POF1B: variants seen among roughly 807,000 people sequenced by gnomAD.
POF1B encodes POF1B actin binding protein.
In POF1B, 53 loss-of-function variants were observed where a neutral mutation model predicts 55.3. That is an observed-to-expected ratio of 0.96 (90% CI 0.77 to 1.20). The LOEUF (loss-of-function observed/expected upper bound fraction) is 1.20, where lower values mean the gene tolerates loss of function less well. POF1B is among the 50% of genes most tolerant of loss of function. The probability of loss-of-function intolerance (pLI) is 0.00; values close to 1 mark genes in which losing one functional copy is unlikely to be tolerated. For missense variants in POF1B, 478 were observed against 420.5 expected, an observed-to-expected ratio of 1.14 and a Z score of -1.20; for synonymous variants, 188 against 148.3, an observed-to-expected ratio of 1.27 and a Z score of -1.95.
At chrX:85,352,734 C>G (rs1344950092) in intron 4 of POF1B, among the ~76,000 whole-genome samples, 1 of 111,328 alleles carries the variant, frequency 9.0e-6, no homozygotes, top group Non-Finnish European at 1.9e-5. Context: ...TGCTTAAGTG[C>G]TTGCTATGCA....
chrX:85,286,373 A>T (rs1310801807), intron 15 of POF1B, among the ~76,000 whole-genome samples: 1 of 111,404 alleles, frequency 9.0e-6, no homozygotes, highest in Non-Finnish European at 1.9e-5. Context: ...CCAAAAGAAG[A>T]GAGGAAAAGA....
At chrX:85,319,841 G>T (rs1192317923) in intron 7 of POF1B, among the ~76,000 whole-genome samples, 1 of 111,135 alleles carries the variant, frequency 9.0e-6, no homozygotes, top group Non-Finnish European at 1.9e-5. Context: ...ATTTTTTGTT[G>T]CATCCATGCC....
At position 85,306,289 on chromosome X, in the gene POF1B, T is replaced by C; in HGVS notation, c.1209A>G (p.Glu403=). 8.3e-7 allele frequency: 1 copy of C among 1,209,385 alleles called. No individual in the cohort carries two copies. Among genetic ancestry groups the C allele is most frequent in the Non-Finnish European group, 1.1e-6 (1 of 893,686 alleles). ...DSSSKCQALE[E]NNLSLRHTLS... ...GTGTATGTCGAAGAGAGAGATTGTT[T>C]TCTTCCAATGCCTGGCATTTTGAAC... Residue 403 remains glutamate, a synonymous_variant, in exon 12 of 17, where the codon GAA becomes GAG. Coordinates refer to ENST00000262753, the MANE Select transcript of POF1B (RefSeq NM_024921.4).
chrX:85,314,604 T>C, intron 8 of POF1B, 98 bp from the exon 9 acceptor site: 1 of 491,294 alleles, frequency 2.0e-6, no homozygotes, highest in Non-Finnish European at 3.1e-6. Context: ...TTTAGGAATA[T>C]TAAAAGACTA....
rs764618968 is a variant in POF1B, at chrX:85,303,210, T to A, written c.1649+196A>T. 3.5e-4 allele frequency among the ~76,000 whole-genome samples: 39 copies of A among 111,221 alleles called. No individual in the cohort carries two copies. The South Asian group carries it at 5.6e-3, about 16-fold the overall frequency. ...TCCAAGGTAATTAATATATTGTAAA[T>A]TCAGGAAAGATGTGCTTCAGGATTT... On this transcript the variant is annotated intron_variant, in intron 15 of 16. Transcript: ENST00000262753.
chrX:85,379,555 A>G, intron 1 of POF1B, 60 bp from the exon 2 acceptor site: 2 of 911,310 alleles, frequency 2.2e-6, no homozygotes, highest in Non-Finnish European at 3.0e-6. Context: ...GCAGTCAGGC[A>G]GGCAGACAGA....
chrX:85,343,723 G>T (rs1263113601), intron 6 of POF1B, among the ~76,000 whole-genome samples: 1 of 110,680 alleles, frequency 9.0e-6, no homozygotes. Flanking sequence ...CAAGAACCCA[G>T]GTCCCCATAC....
intron 15 of POF1B, among the ~76,000 whole-genome samples, chrX:85,301,727 C>A (rs760436649): frequency 3.0e-4 from 33 of 111,511 alleles, no homozygotes; most frequent in Non-Finnish European, 5.3e-4. Context: ...CAGAAGAAGG[C>A]AGGAATGGAG....
At chrX:85,319,612 A>G (rs1932817182) in intron 7 of POF1B, among the ~76,000 whole-genome samples, 1 of 111,305 alleles carries the variant, frequency 9.0e-6, no homozygotes, top group South Asian at 3.7e-4. Flanking sequence ...CCTTTTCCGT[A>G]TCTATCGAGT....
chrX:85,304,392 A>C lies in POF1B; in HGVS notation c.1517T>G (p.Leu506Arg). 1 of 1,192,952 alleles carries C rather than the reference A, an allele frequency of 8.4e-7. No homozygotes were observed. The highest frequency in any genetic ancestry group is 1.1e-6 in the Non-Finnish European group (1 of 883,927). The change falls in exon 14 of 17, where the codon CTG (leucine) becomes CGG (arginine). Residue 506 changes from leucine to arginine, a missense_variant. Coordinates refer to ENST00000262753, the MANE Select transcript of POF1B (RefSeq NM_024921.4). ...ATCCTTCTCTTCCAGCAAGCTTGTC[A>C]GTTCATGAAGCTTAAATTGGAAGTC... is the stretch of plus-strand genomic sequence containing the variant. Reference protein sequence around the residue: ...CSDFQFKLHELTSLLEEKDSL... With the variant: ...CSDFQFKLHERTSLLEEKDSL...
At chrX:85,361,180 T>C (rs1298523675) in intron 3 of POF1B, among the ~76,000 whole-genome samples, 1 of 112,055 alleles carries the variant, frequency 8.9e-6, no homozygotes, top group East Asian at 2.8e-4. Context: ...TAGGTTTTCG[T>C]TTCACTCTGT....
Position 85,351,492 on chromosome X carries a change from T to A in POF1B, c.439-41A>T, listed in dbSNP as rs370648072. 39 of 1,039,778 alleles carry A rather than the reference T, an allele frequency of 3.8e-5. No individual in the cohort carries two copies. The African/African-American group carries it at 6.8e-4, about 18-fold the overall frequency. The allele number at this position is 1,039,778 out of a possible 1,213,427, so 85.7% of individuals were successfully genotyped here. Reference sequence around the variant, plus strand: ...ATTATATGTTTTGTTTTGAAAGTTGTCTTTTCAGAGTAACCTTAAATTAGG... The same window carrying A: ...ATTATATGTTTTGTTTTGAAAGTTGACTTTTCAGAGTAACCTTAAATTAGG... On this transcript the variant is annotated intron_variant, in intron 4 of 16. Coordinates refer to ENST00000262753, the MANE Select transcript of POF1B (RefSeq NM_024921.4).
intron 4 of POF1B, among the ~76,000 whole-genome samples, chrX:85,358,355 T>TTATC (rs1933541842): frequency 9.0e-6 from 1 of 111,484 alleles, no homozygotes; most frequent in African/African-American, 3.3e-5. Flanking sequence ...TGGACCTGTC[T>TTATC]TATCTCTTTC....
chrX:85,341,933 A>C (rs1057020936), intron 6 of POF1B, among the ~76,000 whole-genome samples: 2 of 111,263 alleles, frequency 1.8e-5, no homozygotes, highest in African/African-American at 6.5e-5. Flanking sequence ...ACATCTTCCC[A>C]TGACTACAAA....
rs1429514904 is a variant in POF1B at position 85,305,876 on chromosome X, G to T, written c.1352C>A (p.Ala451Asp). The change falls in exon 13 of 17, where the codon GCT becomes GAT. Residue 451 changes from alanine (A) to aspartate (D), a missense_variant. Coordinates refer to ENST00000262753, the MANE Select transcript of POF1B (RefSeq NM_024921.4). ...GTGGTTGCCAATCTCATCCATTTTA[G>T]CCTGCAACATTGGGCCTGTGCAAGT... ...SETCTGPMLQ[A>D]KMDEIGNHYT... 9.1e-6 allele frequency: 11 copies of T among 1,207,636 alleles called. No individual in the cohort carries two copies. The highest frequency in any genetic ancestry group is 1.8e-5 in the African/African-American group (1 of 56,944).
At chrX:85,283,065 G>A (rs1931944356) in intron 15 of POF1B, among the ~76,000 whole-genome samples, 1 of 111,411 alleles carries the variant, frequency 9.0e-6, no homozygotes, top group African/African-American at 3.3e-5. Context: ...TTCTCAAAGA[G>A]TTTAAAAGCA....
At chrX:85,331,189 C>G in intron 6 of POF1B, 110 bp from the exon 7 acceptor site, 1 of 803,511 alleles carries the variant, frequency 1.2e-6, no homozygotes, top group East Asian at 3.8e-5. Flanking sequence ...TCACATAAAT[C>G]AAGCCATTTT....
chrX:85,379,234 A>C lies in POF1B; in HGVS notation c.221T>G (p.Val74Gly). Residue 74 changes from valine to glycine, a missense_variant, in exon 2 of 17, where the codon GTG becomes GGG. Physicochemically the swap from Val to Gly is moderately radical, Grantham distance 109. Coordinates refer to ENST00000262753, the MANE Select transcript of POF1B (RefSeq NM_024921.4). The stretch of plus-strand genomic sequence containing the variant: ...GGAGGTGGTTTTGAGAGGGGAGAGC[A>C]CTTCCCGTGAGTTGAAGGGGTCCAA... ...QALDPFNSRE[V>G]LSPLKTTSSY... 1.7e-6 allele frequency: 2 copies of C among 1,210,854 alleles called. No homozygotes were observed. Among genetic ancestry groups the C allele is most frequent in the Non-Finnish European group, 2.2e-6 (2 of 895,187 alleles).
intron 11 of POF1B, 22 bp from the exon 12 acceptor site, chrX:85,306,355 A>G: frequency 5.9e-6 from 7 of 1,189,971 alleles, no homozygotes; most frequent in African/African-American, 1.8e-5. Context: ...ACACAAGTAC[A>G]TAAGACAAAT....
Sources: allele counts gnomAD v4.1 joint callset (sites outside exome capture counted in the v4.1 genomes callset), GRCh38; gene constraint gnomAD v4.1.1; transcripts MANE v1.5; gene names NCBI Gene and HGNC (gene_info 2026-07-23, HGNC 2026-07-21).